RHOT2: variants seen among roughly 807,000 people sequenced by gnomAD.
The protein encoded by RHOT2 is mitochondrial Rho GTPase 2.
A neutral mutation model predicts 81.6 loss-of-function variants in RHOT2; 90 were observed. That is an observed-to-expected ratio of 1.10 (90% CI 0.93 to 1.31). The LOEUF (loss-of-function observed/expected upper bound fraction) is 1.31. Ranked by LOEUF, RHOT2 falls within the 40% of genes most tolerant of loss-of-function variation. RHOT2 has a pLI of 0.00. For missense variants in RHOT2, 1,014 were observed against 841.9 expected (o/e 1.20, Z -2.53); for synonymous variants, 512 against 370.9 (o/e 1.38, Z -4.37).
chr16:672,800 T>C lies in RHOT2; in HGVS notation c.1502T>C (p.Phe501Ser), dbSNP rs1159679271. The C allele has an allele frequency of 2.5e-6, 4 of 1,612,574 alleles. No individual in the cohort carries two copies. The highest frequency in any genetic ancestry group is 3.4e-6 in the Non-Finnish European group (4 of 1,179,998). ...LMFDGSDPKS[F>S]AHCASVYKHH... Reference sequence around the variant, plus strand: ...TTTGATGGCAGTGACCCAAAGTCCTTTGCACATTGTGCCAGCGTCTACAAG... The same window carrying C: ...TTTGATGGCAGTGACCCAAAGTCCTCTGCACATTGTGCCAGCGTCTACAAG... Residue 501 changes from phenylalanine to serine, a missense_variant, in exon 17 of 19, where the codon TTT (phenylalanine) becomes TCT (serine). Coordinates refer to ENST00000315082, the MANE Select transcript of RHOT2 (RefSeq NM_138769.3).
Position 668,245 on chromosome 16 carries a change from C to A in RHOT2, c.37+9C>A. On this transcript the variant is annotated intron_variant, in intron 1 of 18. Coordinates refer to ENST00000315082, the MANE Select transcript of RHOT2 (RefSeq NM_138769.3). The stretch of plus-strand genomic sequence containing the variant: ...CCTGTTACTGGGCGAGGGTAGGCGC[C>A]GGCCCGGGGGTCTCGGAGCTGCGGC... 1 of 743,494 alleles carries A rather than the reference C, an allele frequency of 1.3e-6. No individual in the cohort carries two copies. Among genetic ancestry groups the A allele is most frequent in the Non-Finnish European group, 2.0e-6 (1 of 510,076 alleles). The allele number at this position is 743,494 out of a possible 1,614,324, so 46.1% of individuals were successfully genotyped here. A position where few individuals can be genotyped will look rare whatever the true frequency, so the allele number is the denominator to read the frequency against.
At chr16:669,501 TCGGTGGTGAGCCAG>T in intron 4 of RHOT2, 38 bp from the exon 5 acceptor site, 4 of 1,590,310 alleles carry the variant, frequency 2.5e-6, no homozygotes, top group Non-Finnish European at 3.4e-6. Flanking sequence ...GCCAGGGTCG[TCGGTGGTGAGCCAG>T]CAGCCCTGTC....
intron 15 of RHOT2, 24 bp from the exon 16 acceptor site, chr16:672,465 G>A (rs779460505): frequency 1.2e-6 from 2 of 1,612,240 alleles, no homozygotes; most frequent in East Asian, 2.2e-5. Context: ...CAGCCAGCGA[G>A]TGTCAGGACT....
intron 16 of RHOT2, 25 bp downstream of exon 16, chr16:672,591 G>A: frequency 6.2e-7 from 1 of 1,611,332 alleles, no homozygotes; most frequent in East Asian, 2.2e-5. Flanking sequence ...GGCGCGGCCT[G>A]TGCCCGAGGG....
At chr16:668,447 C>A (rs564666531) in intron 2 of RHOT2, 36 bp downstream of exon 2, 1 of 1,572,050 alleles carries the variant, frequency 6.4e-7, no homozygotes, top group Non-Finnish European at 8.6e-7. Context: ...TGGGAGCGGG[C>A]CCAGCCGGGG....
chr16:671,420 G>GGGC, intron 11 of RHOT2: 1 of 520,646 alleles, frequency 1.9e-6, no homozygotes, highest in South Asian at 2.3e-5. Context: ...GGGTGGGGGG[G>GGGC]CTGGCCCTTT....
chr16:668,664 C>T lies in RHOT2; in HGVS notation c.187C>T (p.Gln63Ter). ...THIVDYSEAEQTDEELREEIH... is the reference protein window; with the variant it reads ...THIVDYSEAE ...TCTCTTTGTCCCCCTAGAAGCCGAGCAGACGGACGAGGAGCTGCGGGAGGA... is the reference window on the plus strand; with the variant it reads ...TCTCTTTGTCCCCCTAGAAGCCGAGTAGACGGACGAGGAGCTGCGGGAGGA... The change falls in exon 4 of 19, where the codon CAG becomes TAG. Residue 63 changes from glutamine (Q) to a stop codon, truncating the protein, a stop_gained. Transcript: ENST00000315082. LOFTEE classifies it high-confidence loss of function. 24 of 1,605,662 alleles carry T rather than the reference C, an allele frequency of 1.5e-5. No individual in the cohort carries two copies. Among genetic ancestry groups the T allele is most frequent in the Non-Finnish European group, 2.0e-5 (23 of 1,177,064 alleles).
intron 4 of RHOT2, 90 bp downstream of exon 4, chr16:668,789 G>A (rs2038380983): frequency 7.3e-7 from 1 of 1,362,798 alleles, no homozygotes; most frequent in Non-Finnish European, 9.9e-7. Flanking sequence ...GAGGTGCTCC[G>A]GGTGTCCTTG....
At position 670,713 on chromosome 16, in the gene RHOT2, C is replaced by T. The variant is rs1271045935; in HGVS notation, c.579C>T (p.Phe193=). 8.1e-6 allele frequency: 13 copies of T among 1,612,372 alleles called. No individual in the cohort carries two copies. The highest frequency in any genetic ancestry group is 1.3e-5 in the African/African-American group (1 of 74,944). Residue 193 remains phenylalanine, a synonymous_variant, in exon 9 of 19, where the codon TTC becomes TTT. Coordinates refer to ENST00000315082, the MANE Select transcript of RHOT2 (RefSeq NM_138769.3). ...PACAQALTRI[F]RLSDQDLDQA... ...GCGCCCAGGCGCTGACGCGCATCTT[C>T]AGGCTCTCAGATCAGGACCTGGACC...
chr16:672,045 C>T (rs375894289), intron 13 of RHOT2, 39 bp from the exon 14 acceptor site: 82 of 1,612,100 alleles, frequency 5.1e-5, no homozygotes, highest in Middle Eastern at 4.9e-4. Flanking sequence ...CACCACCCTC[C>T]CCACCATAAC....
intron 5 of RHOT2, 68 bp downstream of exon 5, chr16:669,674 C>T: frequency 6.6e-7 from 1 of 1,522,788 alleles, no homozygotes; most frequent in Non-Finnish European, 9.0e-7. Flanking sequence ...TGGACCTTCA[C>T]CCAACCCGTG....
In RHOT2 at chr16:673,647, C is replaced by G. The variant is rs1045716; in HGVS notation, c.*41C>G. The G allele has an allele frequency of 0.42, 670,139 of 1,581,326 alleles. 162,009 individuals carry two copies. The highest frequency in any genetic ancestry group is 1 in the East Asian group (44,366 of 44,554). On this transcript the variant is annotated 3_prime_UTR_variant, in exon 19 of 19. Transcript: ENST00000315082. ...AGCCCCCTCCCCTGACCTGGGTGTG[C>G]CTCGCTGCTGGGGCTCTGCAGGGGC...
chr16:671,056 T>C (rs1454522778), intron 10 of RHOT2, 27 bp from the exon 11 acceptor site: 17 of 1,608,312 alleles, frequency 1.1e-5, no homozygotes, highest in Non-Finnish European at 1.4e-5. Flanking sequence ...CTGTGCCTGG[T>C]GCTCCCCCTG....
intron 17 of RHOT2, 36 bp from the exon 18 acceptor site, chr16:672,892 C>T: frequency 1.2e-6 from 2 of 1,612,664 alleles, no homozygotes; most frequent in Non-Finnish European, 1.7e-6. Flanking sequence ...CCTCGGCCAC[C>T]CCAGGACTGT....
chr16:668,993 G>A (rs1023560607), intron 4 of RHOT2: 2 of 501,372 alleles, frequency 4.0e-6, no homozygotes, highest in East Asian at 3.5e-5. Context: ...CCACGTCCCC[G>A]TGCTGTGTGC....
Position 672,139 on chromosome 16 carries a change from T to A in RHOT2, c.1153T>A (p.Tyr385Asn). 6.2e-7 allele frequency: 1 copy of A among 1,612,488 alleles called. No individual in the cohort carries two copies. Among genetic ancestry groups the A allele is most frequent in the Non-Finnish European group, 8.5e-7 (1 of 1,179,910 alleles). ...CCTTGGACACCTAGGCTACCTGGGCTACCCCACCCTCTGTGAGCAGGACCA... is the reference window on the plus strand; with the variant it reads ...CCTTGGACACCTAGGCTACCTGGGCAACCCCACCCTCTGTGAGCAGGACCA... ...SCLGHLGYLG[Y>N]PTLCEQDQAH... The change falls in exon 14 of 19, where the codon TAC (tyrosine) becomes AAC (asparagine). Residue 385 changes from tyrosine to asparagine, a missense_variant. Coordinates refer to ENST00000315082, the MANE Select transcript of RHOT2 (RefSeq NM_138769.3).
Position 672,382 on chromosome 16 carries a change from G to C in RHOT2, c.1324G>C (p.Gly442Arg). The C allele has an allele frequency of 6.2e-7, 1 of 1,609,778 alleles. No homozygotes were observed. Among genetic ancestry groups the C allele is most frequent in the Non-Finnish European group, 8.5e-7 (1 of 1,178,204 alleles). Residue 442 changes from glycine to arginine, a missense_variant and splice_region_variant, in exon 15 of 19, where the codon GGG becomes CGG. Physicochemically the swap from Gly to Arg is moderately radical, Grantham distance 125. Transcript: ENST00000315082. The stretch of plus-strand genomic sequence containing the variant: ...GCAGGCCTTTCTCGGCCGCGGCCTG[G>C]GGGTAAGCACCCTAGACTCCCCCAC... ...FLQAFLGRGL[G>R]HQDTREQPPG... is the part of the protein sequence containing the mutation.
Position 673,057 on chromosome 16 carries a change from C to T in RHOT2, c.1657C>T (p.Pro553Ser). 1 of 1,611,944 alleles carries T rather than the reference C, an allele frequency of 6.2e-7. No homozygotes were observed. Among genetic ancestry groups the T allele is most frequent in the Non-Finnish European group, 8.5e-7 (1 of 1,179,954 alleles). ...CRKHRLPAPV[P>S]FSCAGPAEPS... ...CAAGCACCGGCTACCCGCTCCCGTGCCGTTCTCCTGTGCTGGCCCAGCCGA... is the reference window on the plus strand; with the variant it reads ...CAAGCACCGGCTACCCGCTCCCGTGTCGTTCTCCTGTGCTGGCCCAGCCGA... Residue 553 changes from proline (P) to serine (S), a missense_variant, in exon 18 of 19, where the codon CCG (proline) becomes TCG (serine). Physicochemically the swap from Pro to Ser is moderately conservative, Grantham distance 74. Transcript: ENST00000315082.
Position 673,510 on chromosome 16 carries a change from T to C in RHOT2, c.1761T>C (p.Ser587=). ...TGGTCCACGCAGAGCTGCATCCCTC[T>C]TCCTTCTGGCTCCGGGGGCTGCTGG... The part of the protein sequence containing the change: ...PHLVHAELHP[S]SFWLRGLLGV... Residue 587 remains serine (S), a synonymous_variant, in exon 19 of 19, where the codon TCT becomes TCC. Coordinates refer to ENST00000315082, the MANE Select transcript of RHOT2 (RefSeq NM_138769.3). The C allele has an allele frequency of 1.2e-6, 2 of 1,612,694 alleles. No individual in the cohort carries two copies. Among genetic ancestry groups the C allele is most frequent in the South Asian group, 1.1e-5 (1 of 91,078 alleles).
Sources: allele counts gnomAD v4.1 joint callset, GRCh38; gene constraint gnomAD v4.1.1; transcripts MANE v1.5; gene names NCBI Gene and HGNC (gene_info 2026-07-23, HGNC 2026-07-21).